Variants in PNPLA1 observed in about 807,000 individuals in gnomAD.
The protein encoded by PNPLA1 is patatin like domain 1, omega-hydroxyceramide transacylase, also known as omega-hydroxyceramide transacylase.
Under a neutral mutation model 51.7 loss-of-function variants are expected in PNPLA1, and 36 were observed. The ratio of observed to expected loss-of-function variants is 0.70; its 90% confidence interval spans 0.53 to 0.92. The LOEUF (loss-of-function observed/expected upper bound fraction) is 0.92, where lower values mean the gene tolerates loss of function less well. PNPLA1 is among the 40% of genes least tolerant of loss of function. The probability of loss-of-function intolerance (pLI) is 0.00; values close to 1 mark genes in which losing one functional copy is unlikely to be tolerated. For synonymous variants in PNPLA1, 293 were observed against 280.1 expected (o/e 1.05, Z -0.46); for missense variants, 658 against 682.5 (o/e 0.96, Z 0.40).
At chr6:36,297,264 G>A (rs1770886350) in intron 5 of PNPLA1, among the ~76,000 whole-genome samples, 1 of 152,176 alleles carries the variant, frequency 6.6e-6, no homozygotes, top group Admixed American at 6.5e-5. Context: ...GCCAGTGTAT[G>A]GCACGGGTTT....
rs1489083734 is a variant in PNPLA1 at position 36,307,465 on chromosome 6, A to G, written c.1470-122A>G. Reference sequence around the variant, plus strand: ...TAAAAAAAGTTTGCTGGGAAATCCAATCCTCAGCCAGGGTTGAGAACCACA... The same window carrying G: ...TAAAAAAAGTTTGCTGGGAAATCCAGTCCTCAGCCAGGGTTGAGAACCACA... On this transcript the variant is annotated intron_variant, in intron 7 of 8. Coordinates refer to ENST00000636260, the MANE Select transcript of PNPLA1 (RefSeq NM_001374623.1). The G allele has an allele frequency of 4.4e-6, 5 of 1,134,870 alleles. No homozygotes were observed. In the African/African-American group the frequency reaches 6.2e-5, roughly 14 times the overall value. 70.3% of individuals were successfully genotyped at this position (1,134,870 alleles called of 1,614,324 possible).
chr6:36,245,894 A>G (rs574422256), intron 1 of PNPLA1, among the ~76,000 whole-genome samples: 140 of 152,324 alleles, frequency 9.2e-4, no homozygotes, highest in African/African-American at 3.2e-3. Context: ...ACTGCCTCCC[A>G]GCGGCTGCTG....
intron 1 of PNPLA1, among the ~76,000 whole-genome samples, chr6:36,245,643 T>A (rs1449162986): frequency 6.6e-6 from 1 of 152,144 alleles, no homozygotes; most frequent in Non-Finnish European, 1.5e-5. Context: ...AGTAGGTGAG[T>A]ACTCAGCACA....
intron 5 of PNPLA1, among the ~76,000 whole-genome samples, chr6:36,297,826 C>T (rs1770904696): frequency 6.6e-6 from 1 of 151,658 alleles, no homozygotes; most frequent in Non-Finnish European, 1.5e-5. Flanking sequence ...CCACTCCCTT[C>T]TTCCCTCTCA....
chr6:36,280,048 A>C (rs1770230212), intron 1 of PNPLA1, among the ~76,000 whole-genome samples: 1 of 151,886 alleles, frequency 6.6e-6, no homozygotes, highest in Admixed American at 6.6e-5. Context: ...TCTACTAAAA[A>C]TACAAAAATT....
At chr6:36,306,857 A>G (rs1376885889) in intron 7 of PNPLA1, among the ~76,000 whole-genome samples, 1 of 152,106 alleles carries the variant, frequency 6.6e-6, no homozygotes, top group African/African-American at 2.4e-5. Flanking sequence ...TCCCCAGAAA[A>G]TCTTTTTTAT....
At chr6:36,293,548 C>T (rs1194077547) in intron 3 of PNPLA1, among the ~76,000 whole-genome samples, 1 of 152,218 alleles carries the variant, frequency 6.6e-6, no homozygotes, top group African/African-American at 2.4e-5. Flanking sequence ...AAGTTCTGAT[C>T]CAGGCGGTCT....
intron 3 of PNPLA1, among the ~76,000 whole-genome samples, chr6:36,293,656 T>C (rs1326256914): frequency 2.0e-5 from 3 of 152,256 alleles, no homozygotes; most frequent in Middle Eastern, 3.4e-3. Context: ...GTCTAGCTCA[T>C]GCCCCCTCCT....
intron 7 of PNPLA1, among the ~76,000 whole-genome samples, chr6:36,307,210 A>G (rs1771263713): frequency 6.6e-6 from 1 of 152,194 alleles, no homozygotes; most frequent in African/African-American, 2.4e-5. Context: ...ACTCTCTCTC[A>G]CATCAAGCAT....
In PNPLA1 at chr6:36,302,001, G is replaced by C; in HGVS notation, c.916G>C (p.Gly306Arg). The C allele has an allele frequency of 6.2e-7, 1 of 1,614,218 alleles. No homozygotes were observed. The highest frequency in any genetic ancestry group is 1.7e-5 in the Admixed American group (1 of 60,028). The change falls in exon 6 of 9, where the codon GGA (glycine) becomes CGA (arginine). Residue 306 changes from glycine (G) to arginine (R), a missense_variant. Transcript: ENST00000636260. ...TCGAGCACGGCAGGCCAGTCTGGAA[G>C]GAGCCACACAACCTCACAAGGAGTG... ...SLRARQASLE[G>R]ATQPHKEWVP...
intron 1 of PNPLA1, among the ~76,000 whole-genome samples, chr6:36,280,089 G>C (rs569863503): frequency 3.7e-4 from 57 of 152,230 alleles, no homozygotes; most frequent in Admixed American, 3.4e-3. Context: ...GCCTGTAGTC[G>C]TAGCTACTCG....
intron 1 of PNPLA1, among the ~76,000 whole-genome samples, chr6:36,280,055 A>C (rs1370343169): frequency 1.3e-5 from 2 of 152,060 alleles, no homozygotes; most frequent in Non-Finnish European, 2.9e-5. Flanking sequence ...AAAATACAAA[A>C]ATTAGCTGGG....
Position 36,294,475 on chromosome 6 carries a change from C to A in PNPLA1, c.714+76C>A. 1 of 1,389,188 alleles carries A rather than the reference C, an allele frequency of 7.2e-7. No individual in the cohort carries two copies. The highest frequency in any genetic ancestry group is 1.2e-5 in the South Asian group (1 of 80,342). The allele number at this position is 1,389,188 out of a possible 1,614,324, so 86.1% of individuals were successfully genotyped here. A position where few individuals can be genotyped will look rare whatever the true frequency, so the allele number is the denominator to read the frequency against. On this transcript the variant is annotated intron_variant, in intron 4 of 8. Coordinates refer to ENST00000636260, the MANE Select transcript of PNPLA1 (RefSeq NM_001374623.1). This position sits in a 1 kb window ranked among gnomAD's most constrained non-coding sequence, Gnocchi z 4.2. ...GGTGGGGTTAGAGAGCCACTGGGGCCCACTCAAGTTCCATCTGAGTCTCCT... is the reference window on the plus strand; with the variant it reads ...GGTGGGGTTAGAGAGCCACTGGGGCACACTCAAGTTCCATCTGAGTCTCCT...
At chr6:36,307,891 A>G in intron 8 of PNPLA1, 179 bp downstream of exon 8, 1 of 733,638 alleles carries the variant, frequency 1.4e-6, no homozygotes. Flanking sequence ...CCACTCAGGG[A>G]TCATGGTTGG....
rs1770677293 is a variant in PNPLA1 at position 36,291,455 on chromosome 6, A to G, written c.341A>G (p.Lys114Arg). The G allele has an allele frequency of 8.1e-6, 13 of 1,613,982 alleles. No individual in the cohort carries two copies. The highest frequency in any genetic ancestry group is 1.1e-5 in the Non-Finnish European group (13 of 1,179,982). The change falls in exon 2 of 9, where the codon AAG becomes AGG. Residue 114 changes from lysine (K) to arginine (R), a missense_variant. Physicochemically the swap from Lys to Arg is conservative, Grantham distance 26 (BLOSUM62 2). Coordinates refer to ENST00000636260, the MANE Select transcript of PNPLA1 (RefSeq NM_001374623.1). ...CGGGTCCTGCCCGAGGACTCCTACA[A>G]GGTCACCACGGGGAAGCTCCATGTG... The part of the protein sequence containing the change: ...LYRVLPEDSY[K>R]VTTGKLHVSL...
rs137970436 is a variant in PNPLA1, at chr6:36,294,243, C to T, written c.558C>T (p.Asp186=). ...TGMQPCAFWT[D]AITISTFSGQ... is the part of the protein sequence containing the mutation. ...TGCAGCCCTGTGCCTTCTGGACCGA[C>T]GCCATCACCATCTCCACCTTCAGTG... The change falls in exon 4 of 9, where the codon GAC becomes GAT. Residue 186 remains aspartate (D), a synonymous_variant. Coordinates refer to ENST00000636260, the MANE Select transcript of PNPLA1 (RefSeq NM_001374623.1). This position sits in a 1 kb window ranked among gnomAD's most constrained non-coding sequence, Gnocchi z 4.2. 1.7e-5 allele frequency: 28 copies of T among 1,614,078 alleles called. No homozygotes were observed. The highest frequency in any genetic ancestry group is 5.0e-5 in the Admixed American group (3 of 60,010).
chr6:36,251,074 G>C (rs1769412926), intron 1 of PNPLA1, among the ~76,000 whole-genome samples: 1 of 152,204 alleles, frequency 6.6e-6, no homozygotes, highest in South Asian at 2.1e-4. Flanking sequence ...AGGCAAAGGG[G>C]CCGTTTCTAG....
At chr6:36,311,671 G>C (rs567527385) in intron 8 of PNPLA1, 92 bp from the exon 9 acceptor site, 9 of 152,816 alleles carry the variant, frequency 5.9e-5, no homozygotes, top group African/African-American at 1.9e-4. Flanking sequence ...AGTGACACAG[G>C]AGGTGGAGGC....
chr6:36,302,241 G>T lies in PNPLA1; in HGVS notation c.1156G>T (p.Gly386Cys). 6.2e-7 allele frequency: 1 copy of T among 1,614,118 alleles called. No homozygotes were observed. Among genetic ancestry groups the T allele is most frequent in the South Asian group, 1.1e-5 (1 of 91,088 alleles). The change falls in exon 6 of 9, where the codon GGT becomes TGT. Residue 386 changes from glycine (G) to cysteine (C), a missense_variant. Transcript: ENST00000636260. ...GCACAAGCCACCCAGCTCCACACCT[G>T]GTTCATCACTGCCCACCCCACCACC... ...AVHKPPSSTP[G>C]SSLPTPPPGL...
Sources: gnomAD v4.1 joint callset for allele counts (sites outside exome capture counted in the v4.1 genomes callset) on GRCh38, gnomAD v4.1.1 for gene constraint, Gnocchi (gnomAD v3.1) non-coding constraint, MANE v1.5 for transcripts, NCBI Gene and HGNC (gene_info 2026-07-23, HGNC 2026-07-21) for gene names.